Variants in NEURL1 observed in about 807,000 individuals in gnomAD.
NEURL1 encodes the protein neuralized E3 ubiquitin protein ligase 1, also known as E3 ubiquitin-protein ligase NEURL1.
NEURL1 carries 26 observed loss-of-function variants against 41.2 expected under a neutral mutation model. The ratio of observed to expected loss-of-function variants is 0.63; its 90% confidence interval spans 0.46 to 0.87. NEURL1 has a LOEUF of 0.87. Ranked by LOEUF, NEURL1 falls within the 40% of genes least tolerant of loss-of-function variation. NEURL1 has a pLI of 0.00. For missense variants in NEURL1, 761 were observed against 871.1 expected, an observed-to-expected ratio of 0.87 and a Z score of 1.59; for synonymous variants, 400 against 402.3, an observed-to-expected ratio of 0.99 and a Z score of 0.07.
intron 1 of NEURL1, among the ~76,000 whole-genome samples, chr10:103,541,786 G>A: frequency 6.6e-6 from 1 of 152,236 alleles, no homozygotes; most frequent in East Asian, 1.9e-4. Context: ...GACTTAAGCA[G>A]TAAGGAGCTG....
Position 103,590,147 on chromosome 10 carries a change from T to C in NEURL1, c.1500T>C (p.Asn500=), listed in dbSNP as rs1564836029. ...CCTTGTCCTCAGGGACAGCCCCCAA[T>C]TCGCCAGTGAGCCTGCCCGAGTCGC... ...LGSSAGGTAP[N]SPVSLPESPV... The change falls in exon 6 of 6, where the codon AAT becomes AAC. Residue 500 remains asparagine, a synonymous_variant. Transcript: ENST00000369780. The C allele has an allele frequency of 1.9e-6, 3 of 1,613,928 alleles. No individual in the cohort carries two copies. Among genetic ancestry groups the C allele is most frequent in the East Asian group, 2.2e-5 (1 of 44,876 alleles).
At chr10:103,560,062 C>T (rs12572965) in intron 1 of NEURL1, among the ~76,000 whole-genome samples, 31,596 of 151,914 alleles carry the variant, frequency 0.21, 3,435 homozygotes, top group South Asian at 0.32. Context: ...CACACATACA[C>T]GCATGCACAC....
intron 1 of NEURL1, among the ~76,000 whole-genome samples, chr10:103,560,067 GCA>G (rs1056560819): frequency 3.3e-5 from 5 of 152,042 alleles, no homozygotes; most frequent in African/African-American, 9.7e-5. Context: ...ATACACGCAT[GCA>G]CACACACATA....
chr10:103,591,210 G>A lies in NEURL1; in HGVS notation c.*838G>A, dbSNP rs1476075726. 3 of 152,876 alleles carry A rather than the reference G, an allele frequency of 2.0e-5. No individual in the cohort carries two copies. Among genetic ancestry groups the A allele is most frequent in the Non-Finnish European group, 2.9e-5 (2 of 68,228 alleles). The allele number at this position is 152,876 out of a possible 1,614,324, so 9.5% of individuals were successfully genotyped here. ...TCGGTATGGGCTGGGGAGAAGGGTT[G>A]GTCTTCTGCCAGGGTCCCTAAGAAC... On this transcript the variant is annotated 3_prime_UTR_variant, in exon 6 of 6. Transcript: ENST00000369780.
At chr10:103,562,344 C>T (rs1037539869) in intron 1 of NEURL1, among the ~76,000 whole-genome samples, 37 of 152,160 alleles carry the variant, frequency 2.4e-4, no homozygotes, top group African/African-American at 7.0e-4. Flanking sequence ...GATCACGCCA[C>T]GACTCTCCAC....
intron 1 of NEURL1, among the ~76,000 whole-genome samples, chr10:103,542,221 A>C (rs1164126954): frequency 1.3e-5 from 2 of 152,160 alleles, no homozygotes; most frequent in Non-Finnish European, 2.9e-5. Context: ...AGATTTCTCT[A>C]TGAATTGGTC....
intron 1 of NEURL1, among the ~76,000 whole-genome samples, chr10:103,533,787 T>C (rs7068147): frequency 0.39 from 60,017 of 151,992 alleles, 12,730 homozygotes; most frequent in East Asian, 0.71. Context: ...CCGCCCGCCT[T>C]GGCCTCCCAA....
intron 1 of NEURL1, among the ~76,000 whole-genome samples, chr10:103,494,986 T>A (rs1347666235): frequency 6.6e-6 from 1 of 152,198 alleles, no homozygotes; most frequent in Non-Finnish European, 1.5e-5. Context: ...TTGCAGCCGT[T>A]GGGTTTTTGC....
At chr10:103,533,515 A>T (rs1409512638) in intron 1 of NEURL1, among the ~76,000 whole-genome samples, 4 of 149,020 alleles carry the variant, frequency 2.7e-5, no homozygotes, top group Non-Finnish European at 5.9e-5. Context: ...GATTACAGGC[A>T]TAAGCCACGA....
intron 3 of NEURL1, among the ~76,000 whole-genome samples, chr10:103,581,513 C>G (rs1302616392): frequency 2.0e-5 from 3 of 152,126 alleles, no homozygotes; most frequent in African/African-American, 7.2e-5. Flanking sequence ...AGCTATTTGT[C>G]CAGTCATATA....
intron 1 of NEURL1, among the ~76,000 whole-genome samples, chr10:103,553,753 C>T (rs1564819320): frequency 2.6e-5 from 4 of 152,212 alleles, no homozygotes. Flanking sequence ...TCCCGTGGCC[C>T]CTTCCTCAGC....
chr10:103,527,563 G>A (rs920119967), intron 1 of NEURL1, among the ~76,000 whole-genome samples: 1 of 152,092 alleles, frequency 6.6e-6, no homozygotes, highest in African/African-American at 2.4e-5. Context: ...CCAAAGTGCT[G>A]GGATTACAGG....
At chr10:103,500,667 C>G (rs909564682) in intron 1 of NEURL1, among the ~76,000 whole-genome samples, 72 of 152,222 alleles carry the variant, frequency 4.7e-4, no homozygotes, top group Admixed American at 4.4e-3. Flanking sequence ...GCCTCCTCCC[C>G]CTTACGCTTT....
chr10:103,546,919 C>T (rs1017804907), intron 1 of NEURL1, among the ~76,000 whole-genome samples: 1 of 152,182 alleles, frequency 6.6e-6, no homozygotes, highest in Non-Finnish European at 1.5e-5. Context: ...GATCAAATCC[C>T]GACTCTGCCA....
chr10:103,500,181 G>A (rs1051813023), intron 1 of NEURL1, among the ~76,000 whole-genome samples: 1 of 152,104 alleles, frequency 6.6e-6, no homozygotes, highest in African/African-American at 2.4e-5. Flanking sequence ...TTTTCAGTTC[G>A]GTTTTACCTT....
intron 3 of NEURL1, among the ~76,000 whole-genome samples, chr10:103,575,687 GC>G (rs907025070): frequency 3.3e-5 from 5 of 152,170 alleles, no homozygotes; most frequent in African/African-American, 1.2e-4. Flanking sequence ...CTGTTATGGT[GC>G]CCATGCCACA....
Position 103,590,604 on chromosome 10 carries a change from C to T in NEURL1, c.*232C>T. 1.8e-6 allele frequency: 1 copy of T among 567,808 alleles called. No individual in the cohort carries two copies. The highest frequency in any genetic ancestry group is 3.0e-5 in the East Asian group (1 of 33,670). The allele number at this position is 567,808 out of a possible 1,614,324, so 35.2% of individuals were successfully genotyped here. On this transcript the variant is annotated 3_prime_UTR_variant, in exon 6 of 6. Coordinates refer to ENST00000369780, the MANE Select transcript of NEURL1 (RefSeq NM_004210.5). ...AGGGGAGGAGAGGAGGCCGCACTCT[C>T]CCTGTCTCTCCCGTCTCTGCACCCA... is the stretch of plus-strand genomic sequence containing the variant.
chr10:103,507,389 G>A (rs1428480524), intron 1 of NEURL1, among the ~76,000 whole-genome samples: 4 of 152,180 alleles, frequency 2.6e-5, no homozygotes, highest in African/African-American at 9.6e-5. Flanking sequence ...AGAGGGGCCA[G>A]GCAGGAGTCC....
chr10:103,506,513 G>A (rs1445524979), intron 1 of NEURL1, among the ~76,000 whole-genome samples: 1 of 151,962 alleles, frequency 6.6e-6, no homozygotes, highest in Non-Finnish European at 1.5e-5. Flanking sequence ...TTATTGGCAG[G>A]AGGGTCCTCC....
Sources: allele counts gnomAD v4.1 joint callset (sites outside exome capture counted in the v4.1 genomes callset), GRCh38; gene constraint gnomAD v4.1.1; transcripts MANE v1.5; gene names NCBI Gene and HGNC (gene_info 2026-07-23, HGNC 2026-07-21).